The following DOCK2 variants were observed in gnomAD, a reference collection of about 807,000 sequenced individuals.
DOCK2 encodes dedicator of cytokinesis protein 2.
Under a neutral mutation model 248.9 loss-of-function variants are expected in DOCK2, and 87 were observed. That is an observed-to-expected ratio of 0.35 (90% CI 0.29 to 0.42). The LOEUF (loss-of-function observed/expected upper bound fraction) is 0.42, where lower values mean the gene tolerates loss of function less well. Among genes scored for constraint, DOCK2 ranks in the 10% least tolerant of loss-of-function variants. DOCK2 has a pLI of 1.00. For synonymous variants in DOCK2, 805 were observed against 821.6 expected (o/e 0.98, Z 0.35); for missense variants, 1,747 against 2,300.2 (o/e 0.76, Z 4.92).
At chr5:169,883,304 T>G (rs919257548) in intron 27 of DOCK2, 1 of 1,551,498 alleles carries the variant, frequency 6.4e-7, no homozygotes, top group Admixed American at 2.0e-5. Flanking sequence ...ATGGCAGCTG[T>G]GGCTTTCTCT....
chr5:169,869,988 G>C (rs991646372), intron 27 of DOCK2, among the ~76,000 whole-genome samples: 2 of 152,194 alleles, frequency 1.3e-5, no homozygotes, highest in African/African-American at 4.8e-5. Flanking sequence ...GCAAATAGTA[G>C]TTAAGAAATT....
chr5:169,761,960 G>A (rs970498068), intron 25 of DOCK2, among the ~76,000 whole-genome samples: 2 of 152,170 alleles, frequency 1.3e-5, no homozygotes, highest in African/African-American at 4.8e-5. Context: ...CCTTTCACGG[G>A]GAAGTTCTCA....
intron 27 of DOCK2, among the ~76,000 whole-genome samples, chr5:169,976,536 T>C (rs1777723256): frequency 6.6e-6 from 1 of 152,190 alleles, no homozygotes; most frequent in Non-Finnish European, 1.5e-5. Context: ...CTTCCCCTTG[T>C]GATTAAACAT....
intron 27 of DOCK2, among the ~76,000 whole-genome samples, chr5:169,973,237 A>G (rs1471750162): frequency 1.3e-5 from 2 of 152,148 alleles, no homozygotes; most frequent in Non-Finnish European, 2.9e-5. Context: ...AAAGGGAGAA[A>G]AATGGAAGAA....
At chr5:169,881,876 CTTCT>C (rs1772675242) in intron 27 of DOCK2, among the ~76,000 whole-genome samples, 1 of 152,202 alleles carries the variant, frequency 6.6e-6, no homozygotes, top group South Asian at 2.1e-4. Context: ...GCCATTGCTT[CTTCT>C]TTGTCTTTAG....
At chr5:169,903,963 G>C (rs572728086) in intron 27 of DOCK2, among the ~76,000 whole-genome samples, 1 of 152,080 alleles carries the variant, frequency 6.6e-6, no homozygotes, top group South Asian at 2.1e-4. Flanking sequence ...AGCTGGGCGT[G>C]GTCCTGTAAT....
Position 169,712,168 on chromosome 5 carries a change from T to A in DOCK2, c.1604T>A (p.Met535Lys). 1 of 1,614,072 alleles carries A rather than the reference T, an allele frequency of 6.2e-7. No individual in the cohort carries two copies. Among genetic ancestry groups the A allele is most frequent in the Non-Finnish European group, 8.5e-7 (1 of 1,179,962 alleles). The change falls in exon 17 of 52, where the codon ATG becomes AAG. Residue 535 changes from methionine to lysine, a missense_variant. Physicochemically the swap from Met to Lys is moderately conservative, Grantham distance 95. This residue lies in a region of DOCK2 where 858 missense variants were observed against 1,183.5 expected (regional missense o/e 0.72). Transcript: ENST00000520908. The part of the protein sequence containing the change: ...KNFAMSYVKL[M>K]KEDGTTLHDG... ...TTTGCCATGTCCTATGTGAAGCTGA[T>A]GAAAGAAGATGGGACTACTCTACAC...
chr5:170,002,308 G>A (rs149249613), intron 30 of DOCK2, among the ~76,000 whole-genome samples: 17 of 151,514 alleles, frequency 1.1e-4, no homozygotes, highest in Admixed American at 2.6e-4. Context: ...AAAGTACATC[G>A]TCATAGAATA....
intron 26 of DOCK2, among the ~76,000 whole-genome samples, chr5:169,826,758 T>C (rs1007598876): frequency 6.6e-6 from 1 of 152,174 alleles, no homozygotes; most frequent in African/African-American, 2.4e-5. Context: ...ATTTACTACA[T>C]TGCAAAGAAC....
chr5:170,008,867 T>G (rs1184391882), intron 32 of DOCK2, 121 bp downstream of exon 32: 2 of 1,210,498 alleles, frequency 1.7e-6, no homozygotes, highest in Admixed American at 1.8e-5. Context: ...AGTTCATTAC[T>G]GTGTGTACCC....
chr5:169,976,026 A>G (rs1777706329), intron 27 of DOCK2, among the ~76,000 whole-genome samples: 1 of 152,236 alleles, frequency 6.6e-6, no homozygotes, highest in African/African-American at 2.4e-5. Context: ...CCTAAGGCAA[A>G]GGTAGTCAAC....
chr5:169,775,175 G>T (rs1765314685), intron 25 of DOCK2, among the ~76,000 whole-genome samples: 2 of 152,216 alleles, frequency 1.3e-5, no homozygotes, highest in South Asian at 4.1e-4. Context: ...CTCCCAAAGT[G>T]TTGGGATTAC....
At chr5:170,071,712 G>A (rs539891509) in intron 46 of DOCK2, among the ~76,000 whole-genome samples, 2 of 151,680 alleles carry the variant, frequency 1.3e-5, no homozygotes, top group Non-Finnish European at 2.9e-5. Context: ...CCTATCTTAG[G>A]CCTCCTTCCC....
At chr5:170,053,227 C>A (rs1561899694) in intron 41 of DOCK2, among the ~76,000 whole-genome samples, 1 of 152,198 alleles carries the variant, frequency 6.6e-6, no homozygotes, top group Non-Finnish European at 1.5e-5. Context: ...TGGGCCAACA[C>A]CAGTGGCTAA....
At chr5:169,940,859 T>A (rs1375430594) in intron 27 of DOCK2, among the ~76,000 whole-genome samples, 2 of 152,190 alleles carry the variant, frequency 1.3e-5, no homozygotes, top group Non-Finnish European at 2.9e-5. Context: ...CAGTTCATGG[T>A]CCAGGTGTTG....
At chr5:169,646,527 A>G (rs972714685) in intron 1 of DOCK2, among the ~76,000 whole-genome samples, 8 of 152,188 alleles carry the variant, frequency 5.3e-5, no homozygotes, top group African/African-American at 1.7e-4. Flanking sequence ...CATCTTCCCC[A>G]CTAGCTGGTA....
intron 27 of DOCK2, among the ~76,000 whole-genome samples, chr5:169,965,396 T>C (rs1176009734): frequency 2.0e-5 from 3 of 152,348 alleles, no homozygotes; most frequent in Middle Eastern, 6.8e-3. Context: ...ATGTCACTTA[T>C]TGCTTGCAAA....
chr5:169,661,336 G>T, intron 2 of DOCK2, among the ~76,000 whole-genome samples: 1 of 152,088 alleles, frequency 6.6e-6, no homozygotes, highest in East Asian at 1.9e-4. Flanking sequence ...TATGTTTAAG[G>T]TATACAACAT....
intron 34 of DOCK2, among the ~76,000 whole-genome samples, chr5:170,031,252 C>T (rs1307639873): frequency 6.6e-6 from 1 of 152,184 alleles, no homozygotes; most frequent in African/African-American, 2.4e-5. Context: ...CCTTTCAATC[C>T]CTGGAAAAGG....
Sources: allele counts gnomAD v4.1 joint callset (sites outside exome capture counted in the v4.1 genomes callset), GRCh38; gene constraint gnomAD v4.1.1; regional missense constraint gnomAD v4.1.1; transcripts MANE v1.5; gene names NCBI Gene and HGNC (gene_info 2026-07-23, HGNC 2026-07-21).